PIGR: variants seen among roughly 807,000 people sequenced by gnomAD.
PIGR encodes polymeric immunoglobulin receptor.
In PIGR, 22 loss-of-function variants were observed where a neutral mutation model predicts 69.5. The ratio of observed to expected loss-of-function variants is 0.32; its 90% confidence interval spans 0.23 to 0.45. The LOEUF (loss-of-function observed/expected upper bound fraction) is 0.45. Among genes scored for constraint, PIGR ranks in the 20% least tolerant of loss-of-function variants. The pLI is 1.00. For synonymous variants in PIGR, 413 were observed against 407.6 expected (o/e 1.01, Z -0.16); for missense variants, 885 against 974.0 (o/e 0.91, Z 1.22).
At chr1:206,942,014 T>C (rs1679997737) in intron 1 of PIGR, among the ~76,000 whole-genome samples, 1 of 152,216 alleles carries the variant, frequency 6.6e-6, no homozygotes. Flanking sequence ...TTCACCAGCT[T>C]GAGCCAAAGG....
At position 206,939,167 on chromosome 1, in the gene PIGR, T is replaced by C; in HGVS notation, c.340A>G (p.Ile114Val). ...DSGRYKCGLG[I>V]NSRGLSFDVS... ...TCAAAGGACAGGCCTCGGCTATTGA[T>C]GCCCAGGCCACACTTGTAGCGCCCG... Residue 114 changes from isoleucine (I) to valine (V), a missense_variant, in exon 3 of 11, where the codon ATC becomes GTC. Transcript: ENST00000356495. 6.2e-7 allele frequency: 1 copy of C among 1,614,060 alleles called. No homozygotes were observed. The highest frequency in any genetic ancestry group is 8.5e-7 in the Non-Finnish European group (1 of 1,179,922).
chr1:206,939,162 A>T lies in PIGR; in HGVS notation c.345T>A (p.Asn115Lys). 2 of 1,613,790 alleles carry T rather than the reference A, an allele frequency of 1.2e-6. No individual in the cohort carries two copies. Among genetic ancestry groups the T allele is most frequent in the Non-Finnish European group, 1.7e-6 (2 of 1,179,714 alleles). The change falls in exon 3 of 11, where the codon AAT becomes AAA. Residue 115 changes from asparagine (N) to lysine (K), a missense_variant. Physicochemically the swap from Asn to Lys is moderately conservative, Grantham distance 94 (BLOSUM62 0). Coordinates refer to ENST00000356495, the MANE Select transcript of PIGR (RefSeq NM_002644.4). ...TGACATCAAAGGACAGGCCTCGGCT[A>T]TTGATGCCCAGGCCACACTTGTAGC... The part of the protein sequence containing the change: ...SGRYKCGLGI[N>K]SRGLSFDVSL...
intron 1 of PIGR, 118 bp from the exon 2 acceptor site, chr1:206,940,702 T>A: frequency 1.7e-6 from 1 of 604,140 alleles, no homozygotes; most frequent in East Asian, 3.1e-5. Context: ...ATAAATCCTG[T>A]TGAATGAATC....
intron 2 of PIGR, 78 bp from the exon 3 acceptor site, chr1:206,939,541 T>A (rs1679940300): frequency 3.0e-6 from 3 of 988,026 alleles, no homozygotes; most frequent in Non-Finnish European, 4.6e-6. Context: ...TATGAGTAGA[T>A]GTGGTTTTCT....
chr1:206,943,568 A>T (rs1455350674), intron 1 of PIGR, among the ~76,000 whole-genome samples: 1 of 152,168 alleles, frequency 6.6e-6, no homozygotes, highest in Admixed American at 6.5e-5. Context: ...GTGCTGAAGG[A>T]TAGTTTTTCT....
rs549418567 is a variant in PIGR at position 206,939,367 on chromosome 1, A to G, written c.140T>C (p.Val47Ala). 38 of 1,614,214 alleles carry G rather than the reference A, an allele frequency of 2.4e-5. No homozygotes were observed. In the South Asian group the frequency reaches 3.8e-4, roughly 16 times the overall value. ...SITCYYPPTS[V>A]NRHTRKYWCR... The stretch of plus-strand genomic sequence containing the variant: ...CCAGTACTTCCGGGTGTGCCGGTTG[A>G]CAGAGGTGGGTGGGTAGTAGCACGT... The change falls in exon 3 of 11, where the codon GTC (valine) becomes GCC (alanine). Residue 47 changes from valine (V) to alanine (A), a missense_variant. By Grantham distance (64) the Val-to-Ala change is moderately conservative. Transcript: ENST00000356495.
chr1:206,939,073 T>G, intron 3 of PIGR, 46 bp downstream of exon 3: 2 of 1,491,976 alleles, frequency 1.3e-6, no homozygotes, highest in Non-Finnish European at 1.8e-6. Flanking sequence ...CCTTAGAGAA[T>G]TCCCTCTAAC....
rs147958203 is a variant in PIGR, at chr1:206,937,300, G to A, written c.840C>T (p.Asp280=). The change falls in exon 4 of 11, where the codon GAC becomes GAT. Residue 280 remains aspartate, a synonymous_variant. Coordinates refer to ENST00000356495, the MANE Select transcript of PIGR (RefSeq NM_002644.4). ...LCRQSSGENC[D]VVVNTLGKRA... ...TCTTCCCCAGGGTGTTGACGACCAC[G>A]TCACAGTTTTCCCCACTGCTCTGTC... 5.5e-5 allele frequency: 88 copies of A among 1,613,178 alleles called. No homozygotes were observed. Among genetic ancestry groups the A allele is most frequent in the Non-Finnish European group, 6.4e-5 (76 of 1,179,576 alleles).
rs1679678598 is a variant in PIGR, at chr1:206,929,246, AAAAAG to A, written c.*1067_*1071del. On this transcript the variant is annotated 3_prime_UTR_variant, in exon 11 of 11. Transcript: ENST00000356495. Reference sequence around the variant, plus strand: ...TGACACAGTGAGACTTTGTCTCAAAAAAAAGAAAAGAAAAAAAGAGGCCGGACGCG... The same window carrying A: ...TGACACAGTGAGACTTTGTCTCAAAAAAAAGAAAAAAAGAGGCCGGACGCG... 1 of 152,200 alleles carries A rather than the reference AAAAAG, an allele frequency of 6.6e-6. No individual in the cohort carries two copies. The highest frequency in any genetic ancestry group is 1.9e-4 in the East Asian group (1 of 5,166). The allele number at this position is 152,200 out of a possible 1,614,324, so 9.4% of individuals were successfully genotyped here. A position where few individuals can be genotyped will look rare whatever the true frequency, so the allele number is the denominator to read the frequency against.
intron 1 of PIGR, among the ~76,000 whole-genome samples, chr1:206,942,085 T>C (rs975615402): frequency 2.0e-5 from 3 of 152,148 alleles, no homozygotes; most frequent in Admixed American, 6.5e-5. Context: ...GCAAGGAACC[T>C]TTTATTTCCT....
In PIGR at chr1:206,932,561, C is replaced by T. The variant is rs749149148; in HGVS notation, c.1903G>A (p.Gly635Arg). The change falls in exon 8 of 11, where the codon GGA becomes AGA. Residue 635 changes from glycine to arginine, a missense_variant. Gly to Arg is a moderately radical substitution (Grantham distance 125, BLOSUM62 -2). Transcript: ENST00000356495. The part of the protein sequence containing the change: ...VDSGSSEEQG[G>R]SSRALVSTLV... The stretch of plus-strand genomic sequence containing the variant: ...GTGGAGACCAGCGCTCTGGAGCTTC[C>T]ACCTTGTTCCTCAGAGCTGGAAGAA... The T allele has an allele frequency of 1.2e-6, 2 of 1,613,104 alleles. No individual in the cohort carries two copies. Among genetic ancestry groups the T allele is most frequent in the East Asian group, 2.2e-5 (1 of 44,856 alleles).
At position 206,937,650 on chromosome 1, in the gene PIGR, A is replaced by T; in HGVS notation, c.490T>A (p.Ser164Thr). Residue 164 changes from serine to threonine, a missense_variant, in exon 4 of 11, where the codon TCC becomes ACC. Physicochemically the swap from Ser to Thr is moderately conservative, Grantham distance 58. Transcript: ENST00000356495. ...TACAGGCCTATCTGCTTGTACAAGG[A>T]CTTCCTCTTTTGAGCATTCTCAGTC... Reference protein sequence around the residue: ...FKTENAQKRKSLYKQIGLYPV... With the variant: ...FKTENAQKRKTLYKQIGLYPV... 6.2e-7 allele frequency: 1 copy of T among 1,613,774 alleles called. No individual in the cohort carries two copies. Among genetic ancestry groups the T allele is most frequent in the Non-Finnish European group, 8.5e-7 (1 of 1,179,884 alleles).
intron 1 of PIGR, among the ~76,000 whole-genome samples, chr1:206,942,460 G>A (rs1572648830): frequency 6.6e-6 from 1 of 152,224 alleles, no homozygotes; most frequent in Non-Finnish European, 1.5e-5. Flanking sequence ...ACTTGTGCTG[G>A]CACAGGGTGG....
intron 5 of PIGR, 84 bp from the exon 6 acceptor site, chr1:206,934,830 G>T: frequency 1.1e-6 from 1 of 879,444 alleles, no homozygotes; most frequent in Non-Finnish European, 1.7e-6. Context: ...GGGAATCTTT[G>T]TCCACATGTC....
chr1:206,933,079 G>A lies in PIGR; in HGVS notation c.1793C>T (p.Ala598Val). ...TGCAAAAAGCCTGGGATCCTGAATG[G>A]CTTTGTTCTCAATCTCCCGAAAACC... ...DSGFREIENK[A>V]IQDPRLFAEE... Residue 598 changes from alanine to valine, a missense_variant, in exon 7 of 11, where the codon GCC becomes GTC. Physicochemically the swap from Ala to Val is moderately conservative, Grantham distance 64. Coordinates refer to ENST00000356495, the MANE Select transcript of PIGR (RefSeq NM_002644.4). The A allele has an allele frequency of 4.3e-6, 7 of 1,614,176 alleles. 1 individual carries two copies. The highest frequency in any genetic ancestry group is 5.9e-6 in the Non-Finnish European group (7 of 1,180,018).
At chr1:206,932,304 T>C in intron 8 of PIGR, 152 bp downstream of exon 8, 5 of 905,842 alleles carry the variant, frequency 5.5e-6, no homozygotes, top group Non-Finnish European at 8.2e-6. Flanking sequence ...TTCGAGTATG[T>C]GTGGGTTTAT....
At chr1:206,940,433 G>A (rs1382715822) in intron 2 of PIGR, 56 bp downstream of exon 2, 2 of 1,512,740 alleles carry the variant, frequency 1.3e-6, no homozygotes, top group Non-Finnish European at 1.8e-6. Context: ...GGTGAACCCT[G>A]GAGTCGGGCA....
intron 3 of PIGR, 73 bp downstream of exon 3, chr1:206,939,046 C>T: frequency 7.5e-7 from 1 of 1,338,862 alleles, no homozygotes; most frequent in East Asian, 2.3e-5. Context: ...GAAGTTCCTC[C>T]TCAAGCCCTC....
chr1:206,932,802 C>G (rs1203555137), intron 7 of PIGR, among the ~76,000 whole-genome samples, 184 bp downstream of exon 7: 3 of 152,216 alleles, frequency 2.0e-5, no homozygotes, highest in Admixed American at 6.5e-5. Context: ...ATTGTAAACA[C>G]CTCCCCAGCC....
Sources: gnomAD v4.1 joint callset for allele counts (sites outside exome capture counted in the v4.1 genomes callset) on GRCh38, gnomAD v4.1.1 for gene constraint, MANE v1.5 for transcripts, NCBI Gene and HGNC (gene_info 2026-07-23, HGNC 2026-07-21) for gene names.